CCSER2: variants seen among roughly 807,000 people sequenced by gnomAD.
CCSER2 encodes serine-rich coiled-coil domain-containing protein 2.
Under a neutral mutation model 92.3 loss-of-function variants are expected in CCSER2, and 46 were observed. The ratio of observed to expected loss-of-function variants is 0.50; its 90% CI spans 0.39 to 0.64. CCSER2 has a LOEUF of 0.64. CCSER2 is among the 30% of genes least tolerant of loss of function. The probability of loss-of-function intolerance (pLI) is 0.00; values close to 1 mark genes in which losing one functional copy is unlikely to be tolerated. For missense variants in CCSER2, 1,244 were observed against 1,238.9 expected, an observed-to-expected ratio of 1.00 and a Z score of -0.06; for synonymous variants, 433 against 431.4, an observed-to-expected ratio of 1.00 and a Z score of -0.04.
intron 1 of CCSER2, among the ~76,000 whole-genome samples, chr10:84,336,779 C>T (rs1843861468): frequency 1.3e-5 from 2 of 152,312 alleles, no homozygotes; most frequent in South Asian, 2.1e-4. Context: ...GTAGAACTCT[C>T]AGCTGCTATG....
In CCSER2 at chr10:84,435,713, A is replaced by G. The variant is rs553746880; in HGVS notation, c.1869-2799A>G. Among the ~76,000 whole-genome samples, 14 of 152,208 alleles carry G rather than the reference A, an allele frequency of 9.2e-5. No homozygotes were observed. In the South Asian group the frequency reaches 2.5e-3, roughly 27 times the overall value. The stretch of plus-strand genomic sequence containing the variant: ...AACCAAAAACTCAGATGCAAAGGAA[A>G]AGAGTACACAGTTCATTCCTTCATA... On this transcript the variant is annotated intron_variant, in intron 5 of 9. Coordinates refer to ENST00000372088, the MANE Select transcript of CCSER2 (RefSeq NM_001284240.2).
chr10:84,383,484 G>C (rs1417279786), intron 3 of CCSER2, among the ~76,000 whole-genome samples: 2 of 151,756 alleles, frequency 1.3e-5, no homozygotes, highest in African/African-American at 4.8e-5. Flanking sequence ...CTGATTTTTT[G>C]TATTTTTAGT....
In CCSER2 at chr10:84,399,192, C is replaced by T. The variant is rs1157914701; in HGVS notation, c.1615-18579C>T. ...TAAGCCCTCACCTCCTTCCCATCCT[C>T]CTACCTTTTGTAGTTTCCAGTGTCT... On this transcript the variant is annotated intron_variant, in intron 3 of 9. Coordinates refer to ENST00000372088, the MANE Select transcript of CCSER2 (RefSeq NM_001284240.2). 2.6e-5 allele frequency among the ~76,000 whole-genome samples: 4 copies of T among 152,184 alleles called. No homozygotes were observed. In the East Asian group the frequency reaches 7.7e-4, roughly 29 times the overall value.
At chr10:84,349,750 A>G (rs972160857) in intron 1 of CCSER2, among the ~76,000 whole-genome samples, 1 of 152,204 alleles carries the variant, frequency 6.6e-6, no homozygotes, top group Non-Finnish European at 1.5e-5. Flanking sequence ...GTCTATCATT[A>G]TTTCTCATCT....
At chr10:84,510,381 C>T (rs1349014169) in intron 9 of CCSER2, among the ~76,000 whole-genome samples, 3 of 152,102 alleles carry the variant, frequency 2.0e-5, no homozygotes, top group Admixed American at 6.5e-5. Flanking sequence ...TATGTTGTTA[C>T]GCTTAAGACA....
rs181239878 is a variant in CCSER2 at position 84,432,261 on chromosome 10, T to C, written c.1869-6251T>C. Among the ~76,000 whole-genome samples the C allele has an allele frequency of 1.6e-4, 25 of 152,332 alleles. No individual in the cohort carries two copies. In the East Asian group the frequency reaches 4.6e-3, roughly 28 times the overall value. On this transcript the variant is annotated intron_variant, in intron 5 of 9. Coordinates refer to ENST00000372088, the MANE Select transcript of CCSER2 (RefSeq NM_001284240.2). ...ATTTTATTTTTTATAATTTCAACTTTTACTTTAGATTCAGTGGGTACATAC... is the reference window on the plus strand; with the variant it reads ...ATTTTATTTTTTATAATTTCAACTTCTACTTTAGATTCAGTGGGTACATAC...
chr10:84,384,399 C>G (rs1163504845), intron 3 of CCSER2, among the ~76,000 whole-genome samples: 3 of 152,146 alleles, frequency 2.0e-5, no homozygotes, highest in African/African-American at 7.2e-5. Context: ...CAAACCAAAT[C>G]AAACAGCAAC....
chr10:84,470,877 A>G (rs1292660268), intron 8 of CCSER2, among the ~76,000 whole-genome samples: 1 of 152,114 alleles, frequency 6.6e-6, no homozygotes, highest in Non-Finnish European at 1.5e-5. Flanking sequence ...GGGTACTCCA[A>G]GAAAATGTTT....
At chr10:84,433,476 T>C (rs912688782) in intron 5 of CCSER2, among the ~76,000 whole-genome samples, 12 of 151,932 alleles carry the variant, frequency 7.9e-5, no homozygotes, top group Admixed American at 6.6e-5. Context: ...CACACAGATA[T>C]ACAAACATCT....
intron 1 of CCSER2, among the ~76,000 whole-genome samples, chr10:84,334,911 AC>A: frequency 6.6e-6 from 1 of 152,074 alleles, no homozygotes; most frequent in African/African-American, 2.4e-5. Context: ...CTTGATAAGG[AC>A]AGTGGGAAAG....
intron 9 of CCSER2, among the ~76,000 whole-genome samples, chr10:84,483,995 A>ATATATATATATATATATG (rs1564711747): frequency 2.1e-4 from 15 of 72,356 alleles, no homozygotes; most frequent in Non-Finnish European, 3.1e-4. Flanking sequence ...ATATATATAT[A>ATATATATATATATATATG]TAATTTTTTT....
At chr10:84,340,829 A>G (rs1346122020) in intron 1 of CCSER2, among the ~76,000 whole-genome samples, 2 of 152,102 alleles carry the variant, frequency 1.3e-5, no homozygotes, top group Non-Finnish European at 2.9e-5. Context: ...ACTGAGTTCA[A>G]CAAACGTTTT....
intron 3 of CCSER2, chr10:84,392,161 A>G: frequency 3.6e-6 from 2 of 559,692 alleles, no homozygotes; most frequent in Non-Finnish European, 6.5e-6. Flanking sequence ...GTAAACCGGT[A>G]GGGAATACAC....
intron 7 of CCSER2, among the ~76,000 whole-genome samples, chr10:84,465,316 T>A (rs1846349037): frequency 1.6e-5 from 1 of 63,572 alleles, no homozygotes; most frequent in South Asian, 4.8e-4. Context: ...ATGTAAAGAT[T>A]TTTTTTTTTT....
chr10:84,403,646 G>A (rs1842233147), intron 3 of CCSER2, among the ~76,000 whole-genome samples: 1 of 152,098 alleles, frequency 6.6e-6, no homozygotes, highest in African/African-American at 2.4e-5. Flanking sequence ...CACCAAAGAG[G>A]AGATATGGAT....
intron 1 of CCSER2, among the ~76,000 whole-genome samples, chr10:84,341,343 C>CTTTTTTTTTTT (rs35558044): frequency 1.1e-5 from 1 of 94,304 alleles, no homozygotes; most frequent in African/African-American, 5.2e-5. Flanking sequence ...CTTTGTAACT[C>CTTTTTTTTTTT]TTTTTTTTTT....
At chr10:84,350,008 G>A (rs1447373618) in intron 1 of CCSER2, among the ~76,000 whole-genome samples, 1 of 152,042 alleles carries the variant, frequency 6.6e-6, no homozygotes, top group Non-Finnish European at 1.5e-5. Flanking sequence ...ACAAAAATTA[G>A]CCAGGCATGG....
chr10:84,336,838 A>G (rs1412868852), intron 1 of CCSER2, among the ~76,000 whole-genome samples: 1 of 145,126 alleles, frequency 6.9e-6, no homozygotes. Flanking sequence ...CAGTAATCCT[A>G]AGTGGGAGAT....
At chr10:84,396,207 G>GTA (rs1737119326) in intron 3 of CCSER2, among the ~76,000 whole-genome samples, 1 of 151,040 alleles carries the variant, frequency 6.6e-6, no homozygotes, top group Non-Finnish European at 1.5e-5. Context: ...GTGTGTGTGT[G>GTA]TGTGTGTGTG....
Sources: allele counts gnomAD v4.1 joint callset (sites outside exome capture counted in the v4.1 genomes callset), GRCh38; gene constraint gnomAD v4.1.1; transcripts MANE v1.5; gene names NCBI Gene and HGNC (gene_info 2026-07-23, HGNC 2026-07-21).